The following CCDC171 variants were observed in gnomAD, a reference collection of about 807,000 sequenced individuals.
CCDC171 encodes coiled-coil domain-containing protein 171.
In CCDC171, 177 loss-of-function variants were observed where a neutral mutation model predicts 168.2. The ratio of observed to expected loss-of-function variants is 1.05; its 90% CI spans 0.93 to 1.19. CCDC171 has a LOEUF of 1.19. Ranked by LOEUF, CCDC171 falls within the 50% of genes most tolerant of loss-of-function variation. The pLI is 0.00. For missense variants in CCDC171, 1,991 were observed against 1,539.0 expected, an observed-to-expected ratio of 1.29 and a Z score of -4.91; for synonymous variants, 687 against 540.8, an observed-to-expected ratio of 1.27 and a Z score of -3.75.
At chr9:15,561,554 C>G (rs534132309) in intron 1 of CCDC171, among the ~76,000 whole-genome samples, 1 of 152,216 alleles carries the variant, frequency 6.6e-6, no homozygotes, top group African/African-American at 2.4e-5. Flanking sequence ...ACTTTGTATT[C>G]CATTGACATT....
intron 24 of CCDC171, among the ~76,000 whole-genome samples, chr9:15,878,384 A>G (rs1381118393): frequency 6.6e-6 from 1 of 152,130 alleles, no homozygotes; most frequent in African/African-American, 2.4e-5. Flanking sequence ...AAACTCAACA[A>G]CATTGCTGAT....
chr9:15,780,084 C>G (rs186556361), intron 20 of CCDC171, among the ~76,000 whole-genome samples: 2 of 152,192 alleles, frequency 1.3e-5, no homozygotes, highest in South Asian at 2.1e-4. Flanking sequence ...GAGGCAGCAG[C>G]AGGTGTAGTA....
At chr9:15,585,898 C>G (rs2041520214) in intron 4 of CCDC171, among the ~76,000 whole-genome samples, 1 of 152,092 alleles carries the variant, frequency 6.6e-6, no homozygotes, top group Non-Finnish European at 1.5e-5. Context: ...CTCACTTGAA[C>G]CAAGGAGACA....
At chr9:15,679,922 C>A (rs1326452405) in intron 10 of CCDC171, among the ~76,000 whole-genome samples, 2 of 152,018 alleles carry the variant, frequency 1.3e-5, no homozygotes, top group African/African-American at 4.8e-5. Flanking sequence ...TAAAATGCTC[C>A]TTTTCTTTTC....
intron 22 of CCDC171, among the ~76,000 whole-genome samples, chr9:15,848,470 G>T (rs2060994150): frequency 6.6e-6 from 1 of 151,706 alleles, no homozygotes; most frequent in Admixed American, 6.6e-5. Context: ...GCATAGCATG[G>T]TCATTTATTA....
intron 18 of CCDC171, among the ~76,000 whole-genome samples, chr9:15,761,969 A>T (rs1190346181): frequency 6.6e-6 from 1 of 152,152 alleles, no homozygotes; most frequent in African/African-American, 2.4e-5. Context: ...TTTCAAATGG[A>T]TAATTCATCC....
At chr9:15,761,565 G>T (rs568468555) in intron 18 of CCDC171, among the ~76,000 whole-genome samples, 20 of 152,224 alleles carry the variant, frequency 1.3e-4, no homozygotes, top group Admixed American at 1.2e-3. Context: ...AGATCCTCAG[G>T]TGACTAATAT....
intron 10 of CCDC171, among the ~76,000 whole-genome samples, chr9:15,688,118 C>CAAAAAAAAAA (rs33945014): frequency 2.1e-5 from 2 of 94,944 alleles, no homozygotes; most frequent in Admixed American, 1.1e-4. Flanking sequence ...GACTCCATCT[C>CAAAAAAAAAA]AAAAAAAAAA....
intron 24 of CCDC171, among the ~76,000 whole-genome samples, chr9:15,906,128 A>G (rs1392715888): frequency 6.6e-6 from 1 of 152,230 alleles, no homozygotes; most frequent in Non-Finnish European, 1.5e-5. Flanking sequence ...TTCTGAAACT[A>G]TTCCAATCAA....
intron 1 of CCDC171, among the ~76,000 whole-genome samples, chr9:16,055,226 A>C (rs910399731): frequency 1.3e-5 from 2 of 152,126 alleles, no homozygotes; most frequent in African/African-American, 4.8e-5. Context: ...CGTTTATTTG[A>C]TAGGGAGATG....
chr9:15,666,721 A>C (rs2048762827), intron 9 of CCDC171, among the ~76,000 whole-genome samples: 1 of 152,176 alleles, frequency 6.6e-6, no homozygotes, highest in African/African-American at 2.4e-5. Flanking sequence ...GCTACTCGAG[A>C]GGCTGAGGTG....
chr9:15,853,855 C>T (rs1345774452), intron 23 of CCDC171, among the ~76,000 whole-genome samples: 1 of 151,292 alleles, frequency 6.6e-6, no homozygotes, highest in Non-Finnish European at 1.5e-5. Flanking sequence ...TTGAGATGAT[C>T]ATGTTGTGCC....
intron 20 of CCDC171, among the ~76,000 whole-genome samples, chr9:15,780,844 C>G (rs995576070): frequency 1.4e-5 from 2 of 146,418 alleles, no homozygotes; most frequent in Non-Finnish European, 3.0e-5. Context: ...GAGTATTTCC[C>G]TTTTCTTAGA....
At position 15,631,766 on chromosome 9, in the gene CCDC171, C is replaced by T. The variant is rs1450219857; in HGVS notation, c.822+8353C>T. 3.3e-5 allele frequency among the ~76,000 whole-genome samples: 5 copies of T among 152,280 alleles called. No individual in the cohort carries two copies. The East Asian group carries it at 9.6e-4, about 29-fold the overall frequency. Reference sequence around the variant, plus strand: ...CCTTGATGAAGATTGATGCAAAAATCCTCAGTAAAATACTGGCAAACTGAA... The same window carrying T: ...CCTTGATGAAGATTGATGCAAAAATTCTCAGTAAAATACTGGCAAACTGAA... On this transcript the variant is annotated intron_variant, in intron 7 of 25. Coordinates refer to ENST00000380701, the MANE Select transcript of CCDC171 (RefSeq NM_173550.4).
chr9:15,920,528 G>C, intron 25 of CCDC171, 106 bp downstream of exon 25: 1 of 770,712 alleles, frequency 1.3e-6, no homozygotes, highest in Non-Finnish European at 2.0e-6. Flanking sequence ...ATATAATTTA[G>C]GGTAAATGAT....
At chr9:15,893,863 A>G (rs961334453) in intron 24 of CCDC171, among the ~76,000 whole-genome samples, 6 of 152,156 alleles carry the variant, frequency 3.9e-5, no homozygotes, top group Non-Finnish European at 5.9e-5. Context: ...GGAAGACAGC[A>G]TGGCGATTCC....
At chr9:15,746,545 T>G (rs556512486) in intron 18 of CCDC171, among the ~76,000 whole-genome samples, 2 of 152,348 alleles carry the variant, frequency 1.3e-5, no homozygotes, top group African/African-American at 4.8e-5. Context: ...AATTTTGGTA[T>G]TATAACTTCA....
intron 3 of CCDC171, among the ~76,000 whole-genome samples, chr9:15,980,381 C>G (rs1831755182): frequency 6.6e-6 from 1 of 152,228 alleles, no homozygotes; most frequent in East Asian, 1.9e-4. Flanking sequence ...TTAAGGTCCC[C>G]CTAGCCCCAG....
chr9:15,590,777 C>CTTTCTT (rs1289699573), intron 4 of CCDC171, among the ~76,000 whole-genome samples: 2 of 104,218 alleles, frequency 1.9e-5, no homozygotes, highest in African/African-American at 7.2e-5. Flanking sequence ...CTTTCTCTTT[C>CTTTCTT]TTTCTTTCTT....
Sources: allele counts gnomAD v4.1 joint callset (sites outside exome capture counted in the v4.1 genomes callset), GRCh38; gene constraint gnomAD v4.1.1; transcripts MANE v1.5; gene names NCBI Gene and HGNC (gene_info 2026-07-23, HGNC 2026-07-21).